Variants in GRK5 observed in about 807,000 individuals in gnomAD.
GRK5 encodes the protein G protein-coupled receptor kinase 5.
A neutral mutation model predicts 78.4 loss-of-function variants in GRK5; 40 were observed. That is an observed-to-expected ratio of 0.51 (90% CI 0.40 to 0.66). GRK5 has a LOEUF of 0.66. Among genes scored for constraint, GRK5 ranks in the 30% least tolerant of loss-of-function variants. GRK5 has a pLI of 0.00. For synonymous variants in GRK5, 289 were observed against 296.8 expected (o/e 0.97, Z 0.27); for missense variants, 598 against 759.9 (o/e 0.79, Z 2.50).
At position 119,423,179 on chromosome 10, in the gene GRK5, T is replaced by C. The variant is rs201054122; in HGVS notation, c.353T>C (p.Ile118Thr). Residue 118 changes from isoleucine to threonine, a missense_variant, in exon 5 of 16, where the codon ATA becomes ACA. By Grantham distance (89) the Ile-to-Thr change is moderately conservative. Transcript: ENST00000392870. ...KYLTPKSPVF[I>T]AQVGQDLVSQ... The stretch of plus-strand genomic sequence containing the variant: ...TCCTTCTTCCAGTCCCCTGTTTTCA[T>C]AGCCCAAGTTGGCCAAGACCTGGTC... The C allele has an allele frequency of 6.2e-7, 1 of 1,613,334 alleles. No individual in the cohort carries two copies. Among genetic ancestry groups the C allele is most frequent in the Non-Finnish European group, 8.5e-7 (1 of 1,179,222 alleles).
chr10:119,452,507 C>A lies in GRK5; in HGVS notation c.1405-164C>A. 2 of 735,200 alleles carry A rather than the reference C, an allele frequency of 2.7e-6. No individual in the cohort carries two copies. The highest frequency in any genetic ancestry group is 1.8e-5 in the African/African-American group (1 of 56,698). The allele number at this position is 735,200 out of a possible 1,614,324, so 45.5% of individuals were successfully genotyped here. A position where few individuals can be genotyped will look rare whatever the true frequency, so the allele number is the denominator to read the frequency against. ...CACTGGGGCCGACCCCTCCCCTGGACTCACCTGCATCTGAGCCACACACCC... is the reference window on the plus strand; with the variant it reads ...CACTGGGGCCGACCCCTCCCCTGGAATCACCTGCATCTGAGCCACACACCC... On this transcript the variant is annotated intron_variant, in intron 13 of 15. Coordinates refer to ENST00000392870, the MANE Select transcript of GRK5 (RefSeq NM_005308.3). This position sits in a 1 kb window ranked among gnomAD's most constrained non-coding sequence, Gnocchi z 4.4.
chr10:119,308,360 A>G (rs1485305455), intron 1 of GRK5, among the ~76,000 whole-genome samples: 1 of 151,628 alleles, frequency 6.6e-6, no homozygotes, highest in Admixed American at 6.5e-5. Flanking sequence ...TGCTCATGGT[A>G]GAAGTGACTG....
intron 2 of GRK5, among the ~76,000 whole-genome samples, chr10:119,358,611 C>T (rs2133806557): frequency 6.6e-6 from 1 of 152,270 alleles, no homozygotes; most frequent in South Asian, 2.1e-4. Context: ...AGGGCAGAGT[C>T]AGCAGCCCCA....
intron 1 of GRK5, among the ~76,000 whole-genome samples, chr10:119,234,245 G>A (rs1236263396): frequency 6.6e-6 from 1 of 152,226 alleles, no homozygotes; most frequent in African/African-American, 2.4e-5. Context: ...ACTTTCCCAA[G>A]GTCACAGTTG....
intron 1 of GRK5, among the ~76,000 whole-genome samples, chr10:119,243,762 T>C (rs190400570): frequency 6.6e-6 from 1 of 152,142 alleles, no homozygotes; most frequent in African/African-American, 2.4e-5. Flanking sequence ...TCATGTGGAA[T>C]GACTTACTGA....
rs570731542 is a variant in GRK5, at chr10:119,318,050, C to T, written c.53-8466C>T. 2.7e-5 allele frequency among the ~76,000 whole-genome samples: 4 copies of T among 149,986 alleles called. No individual in the cohort carries two copies. The South Asian group carries it at 8.5e-4, about 32-fold the overall frequency. On this transcript the variant is annotated intron_variant, in intron 1 of 15. Coordinates refer to ENST00000392870, the MANE Select transcript of GRK5 (RefSeq NM_005308.3). ...CCCAGCGATGCTGATGCTGCTGGTC[C>T]AAGGACCACCGAGAACCACTGACTT...
In GRK5 at chr10:119,272,593, AG is replaced by A. The variant is rs1326553094; in HGVS notation, c.53-53922del. On this transcript the variant is annotated intron_variant, in intron 1 of 15. Transcript: ENST00000392870. ...TCTATCTCAAAAAAAAAAAAAAAAA[AG>A]AAAGAAAGAAAGAAACAAGAAACTG... Among the ~76,000 whole-genome samples the A allele has an allele frequency of 9.5e-3, 1,226 of 128,612 alleles. 22 individuals are homozygous for A. Among genetic ancestry groups the A allele is most frequent in the Middle Eastern group, 0.017 (4 of 242 alleles). The allele number at this position is 128,612 out of a possible 152,430, so 84.4% of individuals were successfully genotyped here.
intron 2 of GRK5, among the ~76,000 whole-genome samples, chr10:119,357,265 G>T (rs936507231): frequency 6.6e-6 from 1 of 152,238 alleles, no homozygotes; most frequent in Non-Finnish European, 1.5e-5. Flanking sequence ...CAAATGGGGG[G>T]TAGGGTGGGC....
intron 3 of GRK5, among the ~76,000 whole-genome samples, chr10:119,381,849 T>C (rs1315523878): frequency 2.0e-5 from 3 of 152,174 alleles, no homozygotes; most frequent in African/African-American, 7.2e-5. Context: ...TATCTCAGTT[T>C]GGGGGACAAC....
chr10:119,281,024 C>A (rs950611584), intron 1 of GRK5, among the ~76,000 whole-genome samples: 1 of 151,954 alleles, frequency 6.6e-6, no homozygotes, highest in Non-Finnish European at 1.5e-5. Flanking sequence ...ATGATCCACA[C>A]GCCTTGGCCT....
At chr10:119,324,344 C>T (rs767822821) in intron 1 of GRK5, among the ~76,000 whole-genome samples, 145 of 152,280 alleles carry the variant, frequency 9.5e-4, no homozygotes, top group Admixed American at 3.7e-3. Context: ...TAGTTCCTGC[C>T]GGCCAGGTGC....
At chr10:119,276,155 T>C (rs1008037156) in intron 1 of GRK5, among the ~76,000 whole-genome samples, 1 of 152,176 alleles carries the variant, frequency 6.6e-6, no homozygotes. Context: ...TTAGGGTACA[T>C]GTGCACAATG....
At chr10:119,349,135 C>T (rs1267013715) in intron 2 of GRK5, among the ~76,000 whole-genome samples, 2 of 152,158 alleles carry the variant, frequency 1.3e-5, no homozygotes, top group Admixed American at 6.5e-5. Flanking sequence ...CAGGGAAGAA[C>T]TCGTGGCCAG....
At position 119,445,023 on chromosome 10, in the gene GRK5, C is replaced by T. The variant is rs1474315573; in HGVS notation, c.1266+1271C>T. ...CCTCTGCTTGGCCCCTTCCTGTCAC[C>T]AACCTCATCCTCACATCACAGAGCT... is the stretch of plus-strand genomic sequence containing the variant. On this transcript the variant is annotated intron_variant, in intron 12 of 15. Coordinates refer to ENST00000392870, the MANE Select transcript of GRK5 (RefSeq NM_005308.3). The surrounding 1 kb of genome is among the most constrained non-coding windows in gnomAD (Gnocchi z 4.1). Among the ~76,000 whole-genome samples the T allele has an allele frequency of 6.6e-6, 1 of 152,222 alleles. No individual in the cohort carries two copies.
At chr10:119,231,706 CAAAAA>C (rs797013887) in intron 1 of GRK5, among the ~76,000 whole-genome samples, 3 of 60,672 alleles carry the variant, frequency 4.9e-5, no homozygotes, top group African/African-American at 1.3e-4. Context: ...GACTCTGCCT[CAAAAA>C]AAAAAAAAAA....
chr10:119,455,173 C>G lies in GRK5; in HGVS notation c.*106C>G. 1.1e-6 allele frequency: 1 copy of G among 908,116 alleles called. No individual in the cohort carries two copies. Among genetic ancestry groups the G allele is most frequent in the Non-Finnish European group, 1.8e-6 (1 of 553,950 alleles). 56.3% of individuals were successfully genotyped at this position (908,116 alleles called of 1,614,324 possible). ...CTGGTGGGGCTGCCAGGGGAGACCC[C>G]GGGAGCCGGGGAAGGAGGCCGTCCA... On this transcript the variant is annotated 3_prime_UTR_variant, in exon 16 of 16. Coordinates refer to ENST00000392870, the MANE Select transcript of GRK5 (RefSeq NM_005308.3).
Position 119,238,338 on chromosome 10 carries a change from C to T in GRK5, c.52+30369C>T, listed in dbSNP as rs1232076591. On this transcript the variant is annotated intron_variant, in intron 1 of 15. Coordinates refer to ENST00000392870, the MANE Select transcript of GRK5 (RefSeq NM_005308.3). The surrounding 1 kb of genome is among the most constrained non-coding windows in gnomAD (Gnocchi z 4.7). ...GACTGGCTCATCCAGGGAGGTGGCG[C>T]GATTTCCTCTGGAGGTTTAAAATAA... Among the ~76,000 whole-genome samples the T allele has an allele frequency of 1.3e-5, 2 of 152,012 alleles. No homozygotes were observed. Among genetic ancestry groups the T allele is most frequent in the South Asian group, 2.1e-4 (1 of 4,822 alleles).
At chr10:119,369,363 A>G (rs1371348916) in intron 2 of GRK5, among the ~76,000 whole-genome samples, 2 of 152,200 alleles carry the variant, frequency 1.3e-5, no homozygotes, top group South Asian at 2.1e-4. Flanking sequence ...GTCATCACTG[A>G]CCAAGGCTGT....
chr10:119,345,189 C>T (rs1265636293), intron 2 of GRK5, among the ~76,000 whole-genome samples: 3 of 152,058 alleles, frequency 2.0e-5, no homozygotes, highest in South Asian at 2.1e-4. Context: ...AGGATGGTCT[C>T]GATCTCCTGA....
Sources: allele counts gnomAD v4.1 joint callset (sites outside exome capture counted in the v4.1 genomes callset), GRCh38; gene constraint gnomAD v4.1.1; non-coding constraint Gnocchi (gnomAD v3.1); transcripts MANE v1.5; gene names NCBI Gene and HGNC (gene_info 2026-07-23, HGNC 2026-07-21).